Variants in FBXL13 observed in about 807,000 individuals in gnomAD.
The protein encoded by FBXL13 is F-box and leucine-rich repeat protein 13.
In FBXL13, 67 loss-of-function variants were observed where a neutral mutation model predicts 83.6. The ratio of observed to expected loss-of-function variants is 0.80; its 90% confidence interval spans 0.66 to 0.98. FBXL13 has a LOEUF of 0.98. FBXL13 is among the 50% of genes least tolerant of loss of function. The pLI is 0.00. For synonymous variants in FBXL13, 272 were observed against 299.5 expected, an observed-to-expected ratio of 0.91 and a Z score of 0.95; for missense variants, 822 against 866.5, an observed-to-expected ratio of 0.95 and a Z score of 0.64.
intron 10 of FBXL13, among the ~76,000 whole-genome samples, chr7:102,915,920 TA>T (rs1422390147): frequency 2.0e-5 from 3 of 152,196 alleles, no homozygotes; most frequent in African/African-American, 7.2e-5. Context: ...CAGAGACTGC[TA>T]ATACTTCTGT....
chr7:102,994,551 GAAGA>G (rs1829900864), intron 6 of FBXL13, among the ~76,000 whole-genome samples: 1 of 152,184 alleles, frequency 6.6e-6, no homozygotes, highest in Non-Finnish European at 1.5e-5. Context: ...GGAATTTCGA[GAAGA>G]GAGACTTTAT....
intron 6 of FBXL13, among the ~76,000 whole-genome samples, chr7:102,977,078 C>T (rs966665889): frequency 6.6e-6 from 1 of 152,114 alleles, no homozygotes; most frequent in African/African-American, 2.4e-5. Context: ...CAGAGAAAAA[C>T]GATCCTTAAA....
intron 2 of FBXL13, among the ~76,000 whole-genome samples, chr7:103,053,050 C>T (rs1317889001): frequency 6.6e-6 from 1 of 152,036 alleles, no homozygotes; most frequent in African/African-American, 2.4e-5. Flanking sequence ...AGCCACTGCG[C>T]CCAGCCGACA....
intron 18 of FBXL13, among the ~76,000 whole-genome samples, chr7:102,828,548 C>G (rs1266085357): frequency 1.3e-5 from 2 of 152,278 alleles, no homozygotes; most frequent in Middle Eastern, 3.4e-3. Flanking sequence ...CATTATAAGT[C>G]TGTAGAATTG....
intron 6 of FBXL13, among the ~76,000 whole-genome samples, chr7:103,024,628 T>A (rs1255434986): frequency 6.7e-6 from 1 of 149,932 alleles, no homozygotes; most frequent in Non-Finnish European, 1.5e-5. Context: ...TCCAAATATA[T>A]TCCAAAGGGC....
At chr7:102,833,818 C>G (rs1055754697) in intron 17 of FBXL13, among the ~76,000 whole-genome samples, 5 of 151,852 alleles carry the variant, frequency 3.3e-5, no homozygotes, top group African/African-American at 1.2e-4. Context: ...AGAAAAAGGC[C>G]TGGAAATCAT....
intron 6 of FBXL13, among the ~76,000 whole-genome samples, chr7:102,977,265 G>A (rs1292610031): frequency 3.3e-5 from 5 of 152,112 alleles, no homozygotes; most frequent in Non-Finnish European, 7.4e-5. Context: ...TAACCAAACC[G>A]CCTCCGTCCT....
At chr7:103,074,299 C>T in exon 1 of FBXL13, 1 of 1,019,278 alleles carries the variant, frequency 9.8e-7, no homozygotes, top group Non-Finnish European at 1.2e-6. Context: ...CTCCCTACTT[C>T]TGACAACATT....
At chr7:102,849,199 G>A (rs1423047745) in intron 17 of FBXL13, among the ~76,000 whole-genome samples, 1 of 152,190 alleles carries the variant, frequency 6.6e-6, no homozygotes, top group African/African-American at 2.4e-5. Context: ...CTCAGTTACA[G>A]CTGCATCAAA....
intron 18 of FBXL13, among the ~76,000 whole-genome samples, chr7:102,827,461 A>G (rs1799928577): frequency 6.6e-6 from 1 of 152,168 alleles, no homozygotes; most frequent in Non-Finnish European, 1.5e-5. Context: ...TACACAGCAA[A>G]AGATCAGCCA....
chr7:102,927,182 T>C (rs1413073314), intron 9 of FBXL13, among the ~76,000 whole-genome samples: 1 of 152,182 alleles, frequency 6.6e-6, no homozygotes, highest in Non-Finnish European at 1.5e-5. Context: ...TTTGTATAGG[T>C]AACACTATAT....
chr7:102,864,914 C>T (rs552478028), intron 16 of FBXL13, among the ~76,000 whole-genome samples: 74 of 152,258 alleles, frequency 4.9e-4, no homozygotes, highest in African/African-American at 1.2e-3. Flanking sequence ...AACTTGCCTG[C>T]GGTCTCAAAG....
chr7:102,980,812 A>G (rs1828116041), intron 6 of FBXL13, among the ~76,000 whole-genome samples: 1 of 152,134 alleles, frequency 6.6e-6, no homozygotes, highest in Admixed American at 6.5e-5. Context: ...AACTCTTATC[A>G]AAAAAATAGG....
chr7:103,004,049 A>G (rs1790714733), intron 6 of FBXL13, among the ~76,000 whole-genome samples: 1 of 152,232 alleles, frequency 6.6e-6, no homozygotes, highest in African/African-American at 2.4e-5. Flanking sequence ...ATTACTATCA[A>G]TCACTAGCTC....
intron 11 of FBXL13, among the ~76,000 whole-genome samples, chr7:102,904,854 A>G (rs1450084170): frequency 1.3e-5 from 2 of 152,034 alleles, no homozygotes; most frequent in Non-Finnish European, 2.9e-5. Context: ...TTCCTTCTTA[A>G]TTTCTTCATT....
At chr7:102,934,219 C>G in intron 8 of FBXL13, 1 of 1,614,150 alleles carries the variant, frequency 6.2e-7, no homozygotes, top group Non-Finnish European at 8.5e-7. Context: ...ACATGTTTTC[C>G]AAGTTTAAAA....
chr7:102,871,384 A>C (rs1229808212), intron 16 of FBXL13, among the ~76,000 whole-genome samples: 1 of 151,816 alleles, frequency 6.6e-6, no homozygotes, highest in African/African-American at 2.4e-5. Flanking sequence ...TTAAAAAAAA[A>C]ATTTTAATTT....
intron 14 of FBXL13, among the ~76,000 whole-genome samples, chr7:102,880,018 T>G (rs1809817647): frequency 6.6e-6 from 1 of 152,234 alleles, no homozygotes; most frequent in African/African-American, 2.4e-5. Context: ...CATCTATAGT[T>G]TTATTCAGCT....
intron 7 of FBXL13, among the ~76,000 whole-genome samples, chr7:102,964,103 G>A (rs1433755751): frequency 6.6e-6 from 1 of 152,040 alleles, no homozygotes; most frequent in Non-Finnish European, 1.5e-5. Flanking sequence ...TTGAGGCTGC[G>A]AGTTCAAGAC....
Sources: gnomAD v4.1 joint callset for allele counts (sites outside exome capture counted in the v4.1 genomes callset) on GRCh38, gnomAD v4.1.1 for gene constraint, MANE v1.5 for transcripts, NCBI Gene and HGNC (gene_info 2026-07-23, HGNC 2026-07-21) for gene names.